Variants in SMG6 observed in about 807,000 individuals in gnomAD.
SMG6 encodes telomerase-binding protein EST1A.
A neutral mutation model predicts 142.2 loss-of-function variants in SMG6; 66 were observed. The ratio of observed to expected loss-of-function variants is 0.46; its 90% CI spans 0.38 to 0.57. The LOEUF is 0.57. Among genes scored for constraint, SMG6 ranks in the 20% least tolerant of loss-of-function variants. The pLI, the probability that SMG6 is intolerant of heterozygous loss-of-function variation, is 0.00. For synonymous variants in SMG6, 779 were observed against 702.4 expected (o/e 1.11, Z -1.72); for missense variants, 1,793 against 1,832.0 (o/e 0.98, Z 0.39).
intron 10 of SMG6, among the ~76,000 whole-genome samples, chr17:2,231,918 C>A (rs1330464214): frequency 6.6e-6 from 1 of 152,004 alleles, no homozygotes; most frequent in Non-Finnish European, 1.5e-5. Context: ...CAGAGGGAGC[C>A]AGGGCACAGA....
At chr17:2,096,710 T>C (rs1326026528) in intron 13 of SMG6, among the ~76,000 whole-genome samples, 1 of 152,108 alleles carries the variant, frequency 6.6e-6, no homozygotes, top group Non-Finnish European at 1.5e-5. Context: ...CACAAATCTT[T>C]CGTAACGCCC....
Position 2,061,386 on chromosome 17 carries a change from T to C in SMG6, c.*106A>G. 8.8e-7 allele frequency: 1 copy of C among 1,131,842 alleles called. No homozygotes were observed. Among genetic ancestry groups the C allele is most frequent in the Non-Finnish European group, 1.2e-6 (1 of 802,984 alleles). The allele number at this position is 1,131,842 out of a possible 1,614,324, so 70.1% of individuals were successfully genotyped here. A position where few individuals can be genotyped will look rare whatever the true frequency, so the allele number is the denominator to read the frequency against. Reference sequence around the variant, plus strand: ...GGTTGGAAGAGGATGGTTTATTGTCTGGGTGGATTGGTGGCTCAGGCACGT... The same window carrying C: ...GGTTGGAAGAGGATGGTTTATTGTCCGGGTGGATTGGTGGCTCAGGCACGT... On this transcript the variant is annotated 3_prime_UTR_variant, in exon 19 of 19. Transcript: ENST00000263073.
chr17:2,281,081 G>A (rs976641140), intron 8 of SMG6, among the ~76,000 whole-genome samples: 2 of 152,122 alleles, frequency 1.3e-5, no homozygotes, highest in African/African-American at 2.4e-5. Context: ...TTTTTGGAAG[G>A]CAGAGTCTCA....
intron 13 of SMG6, among the ~76,000 whole-genome samples, chr17:2,115,729 C>T (rs575063332): frequency 1.3e-5 from 2 of 151,822 alleles, no homozygotes; most frequent in African/African-American, 4.8e-5. Context: ...CTCTTTTTTG[C>T]GGGGGAGGTG....
At chr17:2,178,152 G>A (rs1401687948) in intron 12 of SMG6, among the ~76,000 whole-genome samples, 2 of 152,214 alleles carry the variant, frequency 1.3e-5, no homozygotes, top group African/African-American at 2.4e-5. Flanking sequence ...TGCATTGGGC[G>A]AAGGATTTGA....
intron 6 of SMG6, among the ~76,000 whole-genome samples, chr17:2,286,123 A>G (rs2074899592): frequency 6.6e-6 from 1 of 152,226 alleles, no homozygotes; most frequent in Non-Finnish European, 1.5e-5. Flanking sequence ...AAGAAATTAA[A>G]GAACGAAGTA....
At chr17:2,294,222 T>C (rs2075099560) in intron 4 of SMG6, among the ~76,000 whole-genome samples, 2 of 152,186 alleles carry the variant, frequency 1.3e-5, no homozygotes, top group South Asian at 2.1e-4. Flanking sequence ...ACATATCACA[T>C]ACCCCAAGTC....
At position 2,236,619 on chromosome 17, in the gene SMG6, T is replaced by C. The variant is rs1316912214; in HGVS notation, c.2742A>G (p.Ala914=). Residue 914 remains alanine (A), a synonymous_variant, in exon 10 of 19, where the codon GCA becomes GCG. Transcript: ENST00000263073. ...ACTCCTTGAGGACCTTCTCAGCCAC[T>C]GCAGGGAATGTCTCCATCCTGCAGA... is the stretch of plus-strand genomic sequence containing the variant. ...FTRIGMETFP[A]VAEKVLKEFQ... is the part of the protein sequence containing the mutation. 1.2e-6 allele frequency: 2 copies of C among 1,612,834 alleles called. No individual in the cohort carries two copies. Among genetic ancestry groups the C allele is most frequent in the South Asian group, 1.1e-5 (1 of 90,874 alleles).
intron 6 of SMG6, among the ~76,000 whole-genome samples, chr17:2,288,794 G>C (rs1430139631): frequency 6.6e-6 from 1 of 151,304 alleles, no homozygotes; most frequent in African/African-American, 2.4e-5. Flanking sequence ...AGCCAGGCGT[G>C]AGCAGCCAGG....
intron 18 of SMG6, 160 bp from the exon 19 acceptor site, chr17:2,061,782 G>A (rs1025965813): frequency 1.5e-5 from 12 of 818,530 alleles, no homozygotes; most frequent in East Asian, 1.4e-4. Flanking sequence ...TCTCAGCCCC[G>A]GGGACCCTCC....
At position 2,156,718 on chromosome 17, in the gene SMG6, G is replaced by A. The variant is rs115441301; in HGVS notation, c.3357+15940C>T. ...AACCCAGGCTACAGTGCAGTGGCAC[G>A]ATCACTGCTCACTGTAGCCTCGACC... On this transcript the variant is annotated intron_variant, in intron 13 of 18. Transcript: ENST00000263073. 1.9e-3 allele frequency among the ~76,000 whole-genome samples: 289 copies of A among 152,206 alleles called. 2 individuals carry two copies. Among genetic ancestry groups the A allele is most frequent in the African/African-American group, 5.9e-3 (245 of 41,540 alleles).
intron 10 of SMG6, among the ~76,000 whole-genome samples, chr17:2,194,650 G>C (rs1318525204): frequency 1.3e-5 from 2 of 148,252 alleles, no homozygotes; most frequent in Non-Finnish European, 1.5e-5. Flanking sequence ...AGTAGTTCAA[G>C]ACCAGCCTGA....
At chr17:2,151,668 G>A (rs889835395) in intron 13 of SMG6, among the ~76,000 whole-genome samples, 71 of 152,290 alleles carry the variant, frequency 4.7e-4, no homozygotes, top group Middle Eastern at 3.4e-3. Flanking sequence ...ATCTTAACAC[G>A]GATCAGCAAT....
At chr17:2,283,543 C>T (rs945033972) in intron 7 of SMG6, 82 bp downstream of exon 7, 41 of 1,088,682 alleles carry the variant, frequency 3.8e-5, no homozygotes, top group Admixed American at 3.6e-4. Flanking sequence ...ACGATCCTGC[C>T]GGTGCGCAGA....
intron 8 of SMG6, among the ~76,000 whole-genome samples, chr17:2,248,864 T>G (rs1464983628): frequency 1.3e-5 from 2 of 151,702 alleles, no homozygotes; most frequent in Non-Finnish European, 2.9e-5. Flanking sequence ...TGAAGTCAAC[T>G]AGCACTGAGA....
At chr17:2,224,632 T>A (rs1024408854) in intron 10 of SMG6, among the ~76,000 whole-genome samples, 1 of 152,064 alleles carries the variant, frequency 6.6e-6, no homozygotes, top group African/African-American at 2.4e-5. Flanking sequence ...GTATGTCTTA[T>A]CAGGGTCACA....
rs558385917 is a variant in SMG6 at position 2,061,468 on chromosome 17, G to A, written c.*24C>T. On this transcript the variant is annotated 3_prime_UTR_variant, in exon 19 of 19. Transcript: ENST00000263073. ...TGGCCTTTCAGGAACGGTTCCACGGGGGGGGGGCCCCAGTGTGGCTCCCTC... is the reference window on the plus strand; with the variant it reads ...TGGCCTTTCAGGAACGGTTCCACGGAGGGGGGGCCCCAGTGTGGCTCCCTC... The A allele has an allele frequency of 2.4e-5, 37 of 1,565,180 alleles. No individual in the cohort carries two copies. The highest frequency in any genetic ancestry group is 2.2e-4 in the African/African-American group (16 of 73,946).
intron 8 of SMG6, chr17:2,280,553 G>GC: frequency 1.0e-6 from 1 of 980,914 alleles, no homozygotes; most frequent in Non-Finnish European, 1.2e-6. Context: ...GTAAGCCACC[G>GC]CGTCAGGCCA....
rs752598886 is a variant in SMG6 at position 2,182,429 on chromosome 17, C to T, written c.3155+4234G>A. On this transcript the variant is annotated intron_variant, in intron 12 of 18. Coordinates refer to ENST00000263073, the MANE Select transcript of SMG6 (RefSeq NM_017575.5). ...GAGAACTGTCCGATGCTGTGAGTGC[C>T]GCCCACACCGTTACAGAGCTAGAGG... Among the ~76,000 whole-genome samples, 5 of 152,036 alleles carry T rather than the reference C, an allele frequency of 3.3e-5. 1 individual carries two copies. In the South Asian group the frequency reaches 6.2e-4, roughly 19 times the overall value.
Sources: allele counts gnomAD v4.1 joint callset (sites outside exome capture counted in the v4.1 genomes callset), GRCh38; gene constraint gnomAD v4.1.1; transcripts MANE v1.5; gene names NCBI Gene and HGNC (gene_info 2026-07-23, HGNC 2026-07-21).